Variants in FCER1A observed in about 807,000 individuals in gnomAD.
The protein encoded by FCER1A is high affinity immunoglobulin epsilon receptor subunit alpha.
Under a neutral mutation model 23.6 loss-of-function variants are expected in FCER1A, and 24 were observed. The observed-to-expected ratio is 1.02, with a 90% CI of 0.74 to 1.43. The LOEUF (loss-of-function observed/expected upper bound fraction) is 1.43, where lower values mean the gene tolerates loss of function less well. Among genes scored for constraint, FCER1A ranks in the 40% most tolerant of loss-of-function variants. The pLI, the probability that FCER1A is intolerant of heterozygous loss-of-function variation, is 0.00. For synonymous variants in FCER1A, 121 were observed against 108.8 expected, an observed-to-expected ratio of 1.11 and a Z score of -0.70; for missense variants, 318 against 294.5, an observed-to-expected ratio of 1.08 and a Z score of -0.58.
At chr1:159,286,849 A>G (rs1652031891), upstream of FCER1A, among the ~76,000 whole-genome samples, 1 of 152,206 alleles carries the variant, frequency 6.6e-6, no homozygotes, top group Non-Finnish European at 1.5e-5. Context: ...TATTCTGACT[A>G]CAAATAGTCA....
chr1:159,286,250 A>T (rs920168306), upstream of FCER1A, among the ~76,000 whole-genome samples: 1 of 152,074 alleles, frequency 6.6e-6, no homozygotes, highest in African/African-American at 2.4e-5. Context: ...CTAACTGATC[A>T]ATATTTCAGG....
chr1:159,296,767 G>A (rs1289193729), intron 1 of FCER1A, among the ~76,000 whole-genome samples: 1 of 152,154 alleles, frequency 6.6e-6, no homozygotes, highest in Non-Finnish European at 1.5e-5. Flanking sequence ...ATTGAAACAA[G>A]CAACCCTCAA....
chr1:159,293,102 A>G (rs1338744720), intron 1 of FCER1A, among the ~76,000 whole-genome samples: 2 of 152,068 alleles, frequency 1.3e-5, no homozygotes, highest in African/African-American at 2.4e-5. Flanking sequence ...ACCACAGAAA[A>G]TAGACTAAGA....
intron 1 of FCER1A, among the ~76,000 whole-genome samples, chr1:159,294,503 G>A (rs1028020087): frequency 2.0e-5 from 3 of 152,056 alleles, no homozygotes; most frequent in African/African-American, 7.2e-5. Flanking sequence ...GTCCTTGTAC[G>A]TCTATGGAGC....
chr1:159,305,556 T>G (rs2102233122), intron 3 of FCER1A, among the ~76,000 whole-genome samples: 1 of 152,198 alleles, frequency 6.6e-6, no homozygotes, highest in African/African-American at 2.4e-5. Context: ...TTGAAGAAGT[T>G]TTTTTTTGAC....
rs570014743 is a variant in FCER1A, at chr1:159,303,278, C to T, written c.76+404C>T. Among the ~76,000 whole-genome samples the T allele has an allele frequency of 1.2e-4, 19 of 152,220 alleles. 1 individual carries two copies. The South Asian group carries it at 3.7e-3, about 30-fold the overall frequency. ...AAGTTCCTTGGATCTAAGTCCAGTT[C>T]TCTTCTGACTATATCACCCTTTTGT... On this transcript the variant is annotated intron_variant, in intron 2 of 4. Transcript: ENST00000693622.
At chr1:159,303,901 T>C in intron 2 of FCER1A, 27 bp from the exon 3 acceptor site, 3 of 1,589,622 alleles carry the variant, frequency 1.9e-6, no homozygotes, top group Non-Finnish European at 2.6e-6. Flanking sequence ...TCTCTACATG[T>C]CTTTTCATAT....
chr1:159,288,060 A>G (rs1043473530), upstream of FCER1A, among the ~76,000 whole-genome samples: 3 of 152,196 alleles, frequency 2.0e-5, no homozygotes, highest in African/African-American at 4.8e-5. Flanking sequence ...ACATGCTATG[A>G]TAAGGTAAGA....
At chr1:159,287,703 T>C (rs1652053057), upstream of FCER1A, among the ~76,000 whole-genome samples, 1 of 148,214 alleles carries the variant, frequency 6.7e-6, no homozygotes, top group South Asian at 2.1e-4. Context: ...TTGTATATTA[T>C]ATATAAATAT....
chr1:159,302,277 A>T (rs1652450629), upstream of FCER1A: 7 of 919,690 alleles, frequency 7.6e-6, no homozygotes, highest in East Asian at 1.7e-4. Context: ...TGATACAGAA[A>T]ACATTTCCTT....
intron 1 of FCER1A, among the ~76,000 whole-genome samples, chr1:159,295,811 G>A (rs970795340): frequency 6.6e-5 from 10 of 152,096 alleles, no homozygotes; most frequent in African/African-American, 2.4e-4. Context: ...ACATTTGATA[G>A]CATGCATTTA....
chr1:159,297,941 G>C (rs1026841098), upstream of FCER1A, among the ~76,000 whole-genome samples: 7 of 152,082 alleles, frequency 4.6e-5, no homozygotes, highest in Non-Finnish European at 7.4e-5. Flanking sequence ...ATCTTCCTCA[G>C]TGGGCTTATA....
rs535656043 is a variant in FCER1A at position 159,307,793 on chromosome 1, T to G, written c.635T>G (p.Val212Gly). The change falls in exon 5 of 5, where the codon GTG becomes GGG. Residue 212 changes from valine (V) to glycine (G), a missense_variant. By Grantham distance (109) the Val-to-Gly change is moderately radical. Transcript: ENST00000693622. ...YWLQFFIPLL[V>G]VILFAVDTGL... ...CTACAATTTTTTATCCCATTGTTGG[T>G]GGTGATTCTGTTTGCTGTGGACACA... 2.5e-6 allele frequency: 4 copies of G among 1,612,866 alleles called. No homozygotes were observed. The highest frequency in any genetic ancestry group is 3.3e-4 in the Middle Eastern group (2 of 6,062).
At chr1:159,306,772 CT>C (rs1652629852) in intron 4 of FCER1A, among the ~76,000 whole-genome samples, 1 of 152,190 alleles carries the variant, frequency 6.6e-6, no homozygotes, top group Admixed American at 6.5e-5. Context: ...GGGAGGTGGA[CT>C]GCCTCTATGG....
Position 159,307,966 on chromosome 1 carries a change from T to G in FCER1A, c.*34T>G. On this transcript the variant is annotated 3_prime_UTR_variant, in exon 5 of 5. Transcript: ENST00000693622. The stretch of plus-strand genomic sequence containing the variant: ...CTCAAGAAATATTTGCAACATTAGT[T>G]TTTTTCCAGCATCAGCAATTGCTAC... 1 of 1,524,170 alleles carries G rather than the reference T, an allele frequency of 6.6e-7. No individual in the cohort carries two copies. Among genetic ancestry groups the G allele is most frequent in the Non-Finnish European group, 9.0e-7 (1 of 1,113,442 alleles). 94.4% of individuals were successfully genotyped at this position (1,524,170 alleles called of 1,614,324 possible).
chr1:159,305,800 T>C (rs1652586386), intron 3 of FCER1A, among the ~76,000 whole-genome samples, 188 bp from the exon 4 acceptor site: 1 of 152,178 alleles, frequency 6.6e-6, no homozygotes, highest in Non-Finnish European at 1.5e-5. Context: ...GGGAAAGGAT[T>C]TATCAATACA....
rs144409357 is a variant in FCER1A at position 159,304,983 on chromosome 1, T to G, written c.331+801T>G. On this transcript the variant is annotated intron_variant, in intron 3 of 4. Transcript: ENST00000693622. ...ACACATATTTCATGCTTGTTTCATT[T>G]TTATCACTCCTACTGCCAACAAATA... Among the ~76,000 whole-genome samples, 848 of 152,292 alleles carry G rather than the reference T, an allele frequency of 5.6e-3. 11 individuals carry two copies. The highest frequency in any genetic ancestry group is 0.019 in the African/African-American group (794 of 41,580).
upstream of FCER1A, among the ~76,000 whole-genome samples, chr1:159,288,029 G>C (rs1652059713): frequency 6.6e-6 from 1 of 152,048 alleles, no homozygotes; most frequent in African/African-American, 2.4e-5. Flanking sequence ...CAGGAAAGAT[G>C]CAATTTTCAT....
chr1:159,297,602 G>C (rs893395236), upstream of FCER1A, among the ~76,000 whole-genome samples: 6 of 152,290 alleles, frequency 3.9e-5, no homozygotes, highest in Admixed American at 6.5e-5. Context: ...AAAAGAGTTT[G>C]AGTGGTCACA....
Sources: allele counts gnomAD v4.1 joint callset (sites outside exome capture counted in the v4.1 genomes callset), GRCh38; gene constraint gnomAD v4.1.1; transcripts MANE v1.5; gene names NCBI Gene and HGNC (gene_info 2026-07-23, HGNC 2026-07-21).